AKAP9: variants seen among roughly 807,000 people sequenced by gnomAD.
The protein encoded by AKAP9 is A-kinase anchor protein 9.
AKAP9 carries 311 observed loss-of-function variants against 488.5 expected under a neutral mutation model. The ratio of observed to expected loss-of-function variants is 0.64; its 90% confidence interval spans 0.58 to 0.70. AKAP9 has a LOEUF of 0.70. AKAP9 is among the 30% of genes least tolerant of loss of function. AKAP9 has a pLI of 0.00. For missense variants in AKAP9, 4,215 were observed against 4,374.5 expected, an observed-to-expected ratio of 0.96 and a Z score of 1.03; for synonymous variants, 1,462 against 1,483.5, an observed-to-expected ratio of 0.99 and a Z score of 0.33.
intron 28 of AKAP9, among the ~76,000 whole-genome samples, chr7:92,074,827 A>G (rs1213644784): frequency 6.6e-6 from 1 of 152,158 alleles, no homozygotes; most frequent in Non-Finnish European, 1.5e-5. Flanking sequence ...ACACATGGAC[A>G]CAGGGAGGGA....
Position 92,079,834 on chromosome 7 carries a change from T to C in AKAP9, c.7701T>C (p.Tyr2567=). 6.2e-7 allele frequency: 1 copy of C among 1,614,130 alleles called. No homozygotes were observed. The highest frequency in any genetic ancestry group is 1.7e-5 in the Admixed American group (1 of 60,028). The change falls in exon 31 of 50, where the codon TAT becomes TAC. Residue 2567 remains tyrosine (Y), a synonymous_variant. Coordinates refer to ENST00000356239, the MANE Select transcript of AKAP9 (RefSeq NM_005751.5). The stretch of plus-strand genomic sequence containing the variant: ...TCCAACTTGAGGCAGTTCAGGAATA[T>C]GCAAAATTCTGTCAAGATAATCAAA... The part of the protein sequence containing the change: ...SQIQLEAVQE[Y]AKFCQDNQTI...
At chr7:92,032,946 T>C (rs1052511367) in intron 16 of AKAP9, among the ~76,000 whole-genome samples, 29 of 152,180 alleles carry the variant, frequency 1.9e-4, no homozygotes, top group African/African-American at 6.3e-4. Context: ...TTTGTGACCT[T>C]AGGAAAGTTA....
At chr7:92,040,311 A>G (rs1018785308) in intron 17 of AKAP9, among the ~76,000 whole-genome samples, 18 of 152,184 alleles carry the variant, frequency 1.2e-4, no homozygotes, top group African/African-American at 4.3e-4. Flanking sequence ...TTCCATGGAT[A>G]TTATTTTCCC....
rs528211008 is a variant in AKAP9, at chr7:92,085,349, C to T, written c.8833-146C>T. The T allele has an allele frequency of 1.2e-5, 9 of 778,862 alleles. 1 individual carries two copies. The South Asian group carries it at 1.5e-4, about 13-fold the overall frequency. 48.2% of individuals were successfully genotyped at this position (778,862 alleles called of 1,614,324 possible). A position where few individuals can be genotyped will look rare whatever the true frequency, so the allele number is the denominator to read the frequency against. On this transcript the variant is annotated intron_variant, in intron 35 of 49. Transcript: ENST00000356239. ...CATCTGCTGGGGTTGGCTTACCCCTCCACAGGAAGAAGGCATTCAGTAATG... is the reference window on the plus strand; with the variant it reads ...CATCTGCTGGGGTTGGCTTACCCCTTCACAGGAAGAAGGCATTCAGTAATG...
At chr7:91,963,129 T>C (rs1793932903) in intron 1 of AKAP9, among the ~76,000 whole-genome samples, 1 of 152,192 alleles carries the variant, frequency 6.6e-6, no homozygotes, top group African/African-American at 2.4e-5. Context: ...TCTGATTCCA[T>C]TTACAGATAA....
chr7:92,074,236 A>G (rs981694727), intron 28 of AKAP9, among the ~76,000 whole-genome samples: 3 of 152,232 alleles, frequency 2.0e-5, no homozygotes, highest in Admixed American at 2.0e-4. Context: ...AAAAGAAGAC[A>G]TTTATATGGC....
chr7:91,989,403 A>G (rs1483826161), intron 3 of AKAP9, among the ~76,000 whole-genome samples: 1 of 152,170 alleles, frequency 6.6e-6, no homozygotes, highest in African/African-American at 2.4e-5. Flanking sequence ...AAATTAAATT[A>G]TATGCAGTCA....
intron 2 of AKAP9, among the ~76,000 whole-genome samples, chr7:91,978,280 G>A (rs1486167512): frequency 6.6e-6 from 1 of 151,492 alleles, no homozygotes; most frequent in East Asian, 1.9e-4. Flanking sequence ...TATGAGTTAG[G>A]AACCACTGTT....
chr7:92,085,812 C>A, intron 36 of AKAP9, 126 bp downstream of exon 36: 1 of 768,884 alleles, frequency 1.3e-6, no homozygotes, highest in Non-Finnish European at 1.9e-6. Flanking sequence ...TATTTTCACA[C>A]TTGAAACTCA....
At chr7:91,981,760 C>T (rs1462743339) in intron 3 of AKAP9, among the ~76,000 whole-genome samples, 3 of 152,018 alleles carry the variant, frequency 2.0e-5, no homozygotes, top group Non-Finnish European at 2.9e-5. Flanking sequence ...CATGTGCCAC[C>T]ACACCCGGCT....
chr7:92,101,708 G>C (rs1384534719), intron 45 of AKAP9, among the ~76,000 whole-genome samples: 1 of 152,138 alleles, frequency 6.6e-6, no homozygotes, highest in African/African-American at 2.4e-5. Flanking sequence ...TCTGTAAAAT[G>C]GTAAGCCCTC....
chr7:91,978,534 A>G (rs1471659240), intron 2 of AKAP9, among the ~76,000 whole-genome samples: 1 of 152,144 alleles, frequency 6.6e-6, no homozygotes, highest in African/African-American at 2.4e-5. Flanking sequence ...GACTCTTTCT[A>G]CTACTTCTTT....
At chr7:92,028,355 T>C (rs1803668022) in intron 14 of AKAP9, among the ~76,000 whole-genome samples, 1 of 148,902 alleles carries the variant, frequency 6.7e-6, no homozygotes, top group African/African-American at 2.5e-5. Flanking sequence ...AGTAGTACTT[T>C]TTGGAGTTTA....
intron 14 of AKAP9, among the ~76,000 whole-genome samples, chr7:92,029,225 AAT>A (rs1803821456): frequency 8.0e-6 from 1 of 125,168 alleles, no homozygotes; most frequent in Non-Finnish European, 1.7e-5. Flanking sequence ...AAAACTACAC[AAT>A]ACAGATGTGA....
In AKAP9 at chr7:92,029,930, A is replaced by G; in HGVS notation, c.4184A>G (p.Asp1395Gly). The G allele has an allele frequency of 6.2e-7, 1 of 1,613,270 alleles. No individual in the cohort carries two copies. Among genetic ancestry groups the G allele is most frequent in the Non-Finnish European group, 8.5e-7 (1 of 1,179,378 alleles). The change falls in exon 15 of 50, where the codon GAT becomes GGT. Residue 1395 changes from aspartate to glycine, a missense_variant. Asp to Gly is a moderately conservative substitution (Grantham distance 94, BLOSUM62 -1). Coordinates refer to ENST00000356239, the MANE Select transcript of AKAP9 (RefSeq NM_005751.5). ...GATTCGGTGGTAATTACAGAATCTG[A>G]TGCACAGAGAACAATGTACCCTGGA... ...PVDSVVITESDAQRTMYPGSC... is the reference protein window; with the variant it reads ...PVDSVVITESGAQRTMYPGSC...
Position 91,992,994 on chromosome 7 carries a change from AAGAGCTAAACAG to A in AKAP9, c.522_533del (p.Asn175_Leu178del). ...TTGGCTGGGAAGCAGCATGAGATTG[AAGAGCTAAACAG>A]AGAGCTGGAAGAAATGAGGGTTACC... On this transcript the variant is annotated inframe_deletion, in exon 5 of 50. Coordinates refer to ENST00000356239, the MANE Select transcript of AKAP9 (RefSeq NM_005751.5). 1 of 1,614,114 alleles carries A rather than the reference AAGAGCTAAACAG, an allele frequency of 6.2e-7. No homozygotes were observed. Among genetic ancestry groups the A allele is most frequent in the Non-Finnish European group, 8.5e-7 (1 of 1,179,990 alleles).
intron 1 of AKAP9, among the ~76,000 whole-genome samples, chr7:91,968,941 G>C (rs982010143): frequency 6.6e-6 from 1 of 151,986 alleles, no homozygotes; most frequent in Non-Finnish European, 1.5e-5. Context: ...GTGTGAACAT[G>C]GTTCATTGTA....
intron 9 of AKAP9, among the ~76,000 whole-genome samples, chr7:92,013,234 G>A (rs1584113776): frequency 1.3e-5 from 2 of 151,450 alleles, no homozygotes; most frequent in Non-Finnish European, 2.9e-5. Context: ...CTCGTGATCC[G>A]CCCGCCTCGG....
Position 92,002,030 on chromosome 7 carries a change from T to G in AKAP9, c.2113T>G (p.Leu705Val), listed in dbSNP as rs750905383. 9.9e-6 allele frequency: 16 copies of G among 1,609,004 alleles called. No homozygotes were observed. The highest frequency in any genetic ancestry group is 1.2e-5 in the Non-Finnish European group (14 of 1,178,450). The change falls in exon 8 of 50, where the codon TTA becomes GTA. Residue 705 changes from leucine to valine, a missense_variant. By Grantham distance (32) the Leu-to-Val change is conservative (BLOSUM62 1). Around this residue, in one of 5 missense-constraint regions of AKAP9, gnomAD observed 2,361 missense variants for 2,430.0 expected, o/e 0.97. Coordinates refer to ENST00000356239, the MANE Select transcript of AKAP9 (RefSeq NM_005751.5). ...LILEISKLKD[L>V]QQSLVNSKSE... ...TTTGGAAATTTCAAAGCTAAAAGAT[T>G]TACAGCAGTCTCTTGTAAATTCAAA...
Sources: allele counts gnomAD v4.1 joint callset (sites outside exome capture counted in the v4.1 genomes callset), GRCh38; gene constraint gnomAD v4.1.1; regional missense constraint gnomAD v4.1.1; transcripts MANE v1.5; gene names NCBI Gene and HGNC (gene_info 2026-07-23, HGNC 2026-07-21).